Variants in STARD9 observed in about 807,000 individuals in gnomAD.
The protein encoded by STARD9 is StAR related lipid transfer domain containing 9.
A neutral mutation model predicts 399.8 loss-of-function variants in STARD9; 346 were observed. The ratio of observed to expected loss-of-function variants is 0.87; its 90% CI spans 0.79 to 0.95. The LOEUF (loss-of-function observed/expected upper bound fraction) is 0.95. Ranked by LOEUF, STARD9 falls within the 40% of genes least tolerant of loss-of-function variation. The pLI, the probability that STARD9 is intolerant of heterozygous loss-of-function variation, is 0.00. For missense variants in STARD9, 5,832 were observed against 5,667.5 expected (o/e 1.03, Z -0.93); for synonymous variants, 2,203 against 2,143.5 (o/e 1.03, Z -0.77).
rs1373573525 is a variant in STARD9 at position 42,693,745 on chromosome 15, C to T, written c.12167C>T (p.Thr4056Ile). 6.5e-7 allele frequency: 1 copy of T among 1,536,590 alleles called. No homozygotes were observed. Among genetic ancestry groups the T allele is most frequent in the Non-Finnish European group, 8.7e-7 (1 of 1,146,854 alleles). ...GAGCCAAGTCAGTGGCAGAGCAGGA[C>T]AGAAAATGGAGGTGAGAGTTCAGCA... Reference protein sequence around the residue: ...GREPSQWQSRTENGGESSASP... With the variant: ...GREPSQWQSRIENGGESSASP... The change falls in exon 23 of 33, where the codon ACA becomes ATA. Residue 4056 changes from threonine (T) to isoleucine (I), a missense_variant. Thr to Ile is a moderately conservative substitution (Grantham distance 89, BLOSUM62 -1). Around this residue, in one of 2 missense-constraint regions of STARD9, gnomAD observed 5,828 missense variants for 5,651.1 expected, o/e 1.03. Transcript: ENST00000290607.
At chr15:42,653,689 G>A (rs1201552363) in intron 9 of STARD9, among the ~76,000 whole-genome samples, 1 of 152,132 alleles carries the variant, frequency 6.6e-6, no homozygotes, top group Non-Finnish European at 1.5e-5. Flanking sequence ...ATTGCCAGCA[G>A]ACTTACCTGA....
Position 42,694,645 on chromosome 15 carries a change from CTT to C in STARD9, c.12883_12884del (p.Phe4295HisfsTer5), listed in dbSNP as rs1275635616. On this transcript the variant is annotated frameshift_variant, in exon 24 of 33. Transcript: ENST00000290607. LOFTEE classifies it high-confidence loss of function. ...TGAGCCTCCTGCCCAACAAAGATCTCTTCATCTGGGATCTTGACTTGCCCAGC... is the reference window on the plus strand; with the variant it reads ...TGAGCCTCCTGCCCAACAAAGATCTCCATCTGGGATCTTGACTTGCCCAGC... ...QLSLLPNKDLFIWDLDLPSRR... is the reference protein window; with the variant it reads ...QLSLLPNKDLXIWDLDLPSRR... 5.9e-6 allele frequency: 9 copies of C among 1,537,090 alleles called. No individual in the cohort carries two copies. The African/African-American group carries it at 1.2e-4, about 21-fold the overall frequency.
chr15:42,587,962 A>T (rs1294796932), intron 3 of STARD9, among the ~76,000 whole-genome samples: 1 of 152,180 alleles, frequency 6.6e-6, no homozygotes, highest in Non-Finnish European at 1.5e-5. Context: ...AAGAACCAGC[A>T]AAGTAACTAA....
In STARD9 at chr15:42,685,104, A is replaced by T. The variant is rs376771741; in HGVS notation, c.3526A>T (p.Arg1176Trp). The T allele has an allele frequency of 1.9e-5, 29 of 1,537,150 alleles. No individual in the cohort carries two copies. The East Asian group carries it at 2.7e-4, about 14-fold the overall frequency. The change falls in exon 23 of 33, where the codon AGG becomes TGG. Residue 1176 changes from arginine to tryptophan, a missense_variant. By Grantham distance (101) the Arg-to-Trp change is moderately radical. This residue lies in a region of STARD9 where 5,828 missense variants were observed against 5,651.1 expected (regional missense o/e 1.03). Coordinates refer to ENST00000290607, the MANE Select transcript of STARD9 (RefSeq NM_020759.3). Reference protein sequence around the residue: ...NRPTNNRGQPRTRTRASVRGF... With the variant: ...NRPTNNRGQPWTRTRASVRGF... ...TCCCACCAACAACCGTGGCCAACCC[A>T]GGACCAGAACTAGAGCTTCTGTGAG...
intron 3 of STARD9, among the ~76,000 whole-genome samples, chr15:42,619,400 A>G (rs1482783186): frequency 2.6e-5 from 4 of 152,068 alleles, no homozygotes; most frequent in African/African-American, 9.7e-5. Flanking sequence ...CATCTCTACA[A>G]AAAATTAAAA....
At chr15:42,677,410 T>A (rs891241960) in intron 20 of STARD9, among the ~76,000 whole-genome samples, 2 of 152,270 alleles carry the variant, frequency 1.3e-5, no homozygotes, top group South Asian at 2.1e-4. Flanking sequence ...CTCTATGGGA[T>A]GGAGAATAAG....
intron 15 of STARD9, among the ~76,000 whole-genome samples, chr15:42,667,188 T>C (rs191857132): frequency 6.7e-6 from 1 of 149,100 alleles, no homozygotes; most frequent in African/African-American, 2.5e-5. Flanking sequence ...TTTATTTTTT[T>C]ATGTTATTTT....
rs1177490816 is a variant in STARD9 at position 42,685,295 on chromosome 15, G to A, written c.3717G>A (p.Glu1239=). 1 of 1,537,396 alleles carries A rather than the reference G, an allele frequency of 6.5e-7. No individual in the cohort carries two copies. The highest frequency in any genetic ancestry group is 2.0e-5 in the Admixed American group (1 of 50,980). The change falls in exon 23 of 33, where the codon GAG becomes GAA. Residue 1239 remains glutamate (E), a synonymous_variant. Coordinates refer to ENST00000290607, the MANE Select transcript of STARD9 (RefSeq NM_020759.3). ...CCACAGAGACTTTTTGGCACCTGGA[G>A]GACTCTAGTCTGCCTGTAATGGACC... ...EIPTETFWHL[E]DSSLPVMDQE...
intron 3 of STARD9, among the ~76,000 whole-genome samples, chr15:42,617,359 A>G (rs531519065): frequency 1.7e-3 from 259 of 152,320 alleles, no homozygotes; most frequent in Non-Finnish European, 2.6e-3. Flanking sequence ...ACTATTACCT[A>G]TAATAATTTT....
chr15:42,661,790 A>G (rs956417181), intron 10 of STARD9, among the ~76,000 whole-genome samples: 4 of 151,986 alleles, frequency 2.6e-5, no homozygotes, highest in Admixed American at 6.6e-5. Context: ...CCATACCTAC[A>G]TCTCAGATCA....
chr15:42,644,599 A>AT (rs1188391197), intron 7 of STARD9, among the ~76,000 whole-genome samples: 1 of 152,038 alleles, frequency 6.6e-6, no homozygotes, highest in African/African-American at 2.4e-5. Flanking sequence ...CTGGTGCAGG[A>AT]TTTTTTCTTA....
Position 42,688,449 on chromosome 15 carries a change from A to T in STARD9, c.6871A>T (p.Lys2291Ter). ...QRGGSLQEEN[K>*]VTQKFPSLSQ... Reference sequence around the variant, plus strand: ...GGGAGGCAGCCTTCAGGAAGAAAATAAAGTGACTCAGAAATTTCCTAGTCT... The same window carrying T: ...GGGAGGCAGCCTTCAGGAAGAAAATTAAGTGACTCAGAAATTTCCTAGTCT... Residue 2291 changes from lysine to a stop codon, truncating the protein, a stop_gained, in exon 23 of 33, where the codon AAA (lysine) becomes TAA (stop). Coordinates refer to ENST00000290607, the MANE Select transcript of STARD9 (RefSeq NM_020759.3). LOFTEE classifies it high-confidence loss of function. The T allele has an allele frequency of 6.5e-7, 1 of 1,537,802 alleles. No individual in the cohort carries two copies. The highest frequency in any genetic ancestry group is 8.7e-7 in the Non-Finnish European group (1 of 1,147,048).
intron 3 of STARD9, 78 bp downstream of exon 3, chr15:42,585,715 C>G: frequency 3.1e-6 from 3 of 963,614 alleles, no homozygotes; most frequent in Non-Finnish European, 4.7e-6. Context: ...TATAAAGATA[C>G]TTTGCAAGGT....
chr15:42,684,923 C>T lies in STARD9; in HGVS notation c.3345C>T (p.Val1115=). 6.5e-7 allele frequency: 1 copy of T among 1,537,050 alleles called. No homozygotes were observed. Among genetic ancestry groups the T allele is most frequent in the Non-Finnish European group, 8.7e-7 (1 of 1,146,922 alleles). The change falls in exon 23 of 33, where the codon GTC becomes GTT. Residue 1115 remains valine, a synonymous_variant. Transcript: ENST00000290607. ...SNYSLDSLSC[V]YAKALIEPLK... ...ACTCATTGGATTCTCTCTCATGTGT[C>T]TATGCCAAAGCCCTGATAGAGCCAC...
At chr15:42,614,380 G>A (rs1467691238) in intron 3 of STARD9, among the ~76,000 whole-genome samples, 4 of 151,738 alleles carry the variant, frequency 2.6e-5, no homozygotes, top group Non-Finnish European at 5.9e-5. Flanking sequence ...AAAAACAGTC[G>A]AAGTAGGCAC....
chr15:42,637,829 G>A, intron 4 of STARD9, 78 bp from the exon 5 acceptor site: 2 of 1,439,458 alleles, frequency 1.4e-6, no homozygotes, highest in Non-Finnish European at 1.9e-6. Flanking sequence ...CCCATGCTGA[G>A]GATGGTTCCT....
intron 30 of STARD9, 94 bp from the exon 31 acceptor site, chr15:42,718,341 A>T (rs2061389333): frequency 8.0e-7 from 1 of 1,247,896 alleles, no homozygotes. Context: ...GTGTCAAGTG[A>T]TGGGGTGTTG....
intron 16 of STARD9, chr15:42,673,952 C>T (rs1033163851): frequency 3.3e-5 from 15 of 456,356 alleles, no homozygotes; most frequent in Admixed American, 1.2e-4. Flanking sequence ...ACTTCATCTG[C>T]GGACCAAGAA....
At chr15:42,668,064 A>T (rs1201199034) in intron 15 of STARD9, among the ~76,000 whole-genome samples, 1 of 152,218 alleles carries the variant, frequency 6.6e-6, no homozygotes, top group Non-Finnish European at 1.5e-5. Flanking sequence ...AGGCCAGCTG[A>T]GCTGGACTTG....
Sources: gnomAD v4.1 joint callset for allele counts (sites outside exome capture counted in the v4.1 genomes callset) on GRCh38, gnomAD v4.1.1 for gene constraint, gnomAD v4.1.1 regional missense constraint, MANE v1.5 for transcripts, NCBI Gene and HGNC (gene_info 2026-07-23, HGNC 2026-07-21) for gene names.